The following FRMD4B variants were observed in gnomAD, a reference collection of about 807,000 sequenced individuals.
FRMD4B encodes the protein FERM domain-containing protein 4B.
FRMD4B carries 74 observed loss-of-function variants against 141.5 expected under a neutral mutation model. That is an observed-to-expected ratio of 0.52 (90% CI 0.43 to 0.63). The LOEUF is 0.63. Ranked by LOEUF, FRMD4B falls within the 30% of genes least tolerant of loss-of-function variation. The probability of loss-of-function intolerance (pLI) is 0.00; values close to 1 mark genes in which losing one functional copy is unlikely to be tolerated. For synonymous variants in FRMD4B, 506 were observed against 467.9 expected (o/e 1.08, Z -1.05); for missense variants, 1,366 against 1,253.4 (o/e 1.09, Z -1.36).
chr3:69,297,787 C>G (rs899642473), intron 4 of FRMD4B, among the ~76,000 whole-genome samples: 20 of 152,092 alleles, frequency 1.3e-4, no homozygotes, highest in Admixed American at 1.2e-3. Context: ...CCCCAGAAAC[C>G]TGGGGGAGTT....
rs180701865 is a variant in FRMD4B, at chr3:69,431,716, G to A, written c.-1+918C>T. Among the ~76,000 whole-genome samples, 465 of 152,280 alleles carry A rather than the reference G, an allele frequency of 3.1e-3. 2 individuals carry two copies. Among genetic ancestry groups the A allele is most frequent in the African/African-American group, 0.01 (431 of 41,554 alleles). ...AATTATGCAAGTGGTAGGTGGTAGG[G>A]CAAGATCTCCAGAGTCGACGTCCTT... On this transcript the variant is annotated intron_variant, in intron 2 of 5. Transcript: ENST00000459638.
At chr3:69,481,832 G>A (rs1030464683) in intron 1 of FRMD4B, among the ~76,000 whole-genome samples, 3 of 152,116 alleles carry the variant, frequency 2.0e-5, no homozygotes, top group African/African-American at 7.2e-5. Flanking sequence ...GGATAAACTA[G>A]CAGTCAGCAG....
intron 1 of FRMD4B, among the ~76,000 whole-genome samples, chr3:69,473,564 C>T (rs573395722): frequency 1.1e-4 from 16 of 152,264 alleles, no homozygotes; most frequent in Admixed American, 8.5e-4. Flanking sequence ...ACCTCTCCAG[C>T]CATATCAATC....
intron 5 of FRMD4B, 187 bp downstream of exon 5, chr3:69,287,565 A>G: frequency 1.8e-6 from 1 of 555,772 alleles, no homozygotes; most frequent in East Asian, 3.0e-5. Flanking sequence ...TGTCTTTCCC[A>G]CTCAGAATTT....
chr3:69,363,851 T>G (rs930134211), intron 1 of FRMD4B, among the ~76,000 whole-genome samples: 1 of 152,168 alleles, frequency 6.6e-6, no homozygotes, highest in African/African-American at 2.4e-5. Flanking sequence ...AGGCAACAGG[T>G]GTACTGAGCT....
chr3:69,348,214 A>G (rs1354518315), intron 1 of FRMD4B, among the ~76,000 whole-genome samples: 4 of 152,220 alleles, frequency 2.6e-5, no homozygotes, highest in Admixed American at 6.5e-5. Flanking sequence ...CTTCTACGCA[A>G]ATAAACTAGA....
chr3:69,454,672 C>T lies in FRMD4B; in HGVS notation c.-128-21911G>A, dbSNP rs141752928. On this transcript the variant is annotated intron_variant, in intron 1 of 5. Transcript: ENST00000459638. ...TCTGGCCAGGCCTCAGCCACCTCCC[C>T]GAGGGGCAGGGCTTGGGACTGCAGC... 3.5e-3 allele frequency among the ~76,000 whole-genome samples: 538 copies of T among 152,326 alleles called. 5 individuals carry two copies. Among genetic ancestry groups the T allele is most frequent in the African/African-American group, 0.012 (496 of 41,590 alleles).
intron 1 of FRMD4B, among the ~76,000 whole-genome samples, chr3:69,456,403 T>TG (rs1234056650): frequency 6.6e-6 from 1 of 152,194 alleles, no homozygotes; most frequent in Non-Finnish European, 1.5e-5. Flanking sequence ...GAAAAAATGA[T>TG]GGTTTTTCAT....
At chr3:69,256,062 A>G (rs1559756266) in intron 5 of FRMD4B, among the ~76,000 whole-genome samples, 1 of 151,680 alleles carries the variant, frequency 6.6e-6, no homozygotes, top group Non-Finnish European at 1.5e-5. Flanking sequence ...GCGCCACTGG[A>G]CTCCAGCCTG....
intron 1 of FRMD4B, among the ~76,000 whole-genome samples, chr3:69,518,791 A>T (rs1410949826): frequency 6.6e-6 from 1 of 152,196 alleles, no homozygotes; most frequent in African/African-American, 2.4e-5. Context: ...GGTAGGCTGA[A>T]GAGACTAGCA....
chr3:69,349,201 C>T (rs1703050845), intron 1 of FRMD4B, among the ~76,000 whole-genome samples: 1 of 152,190 alleles, frequency 6.6e-6, no homozygotes, highest in Non-Finnish European at 1.5e-5. Context: ...AGAGCCAAAT[C>T]ATGAGTGAAC....
intron 1 of FRMD4B, among the ~76,000 whole-genome samples, chr3:69,379,231 T>C (rs1035909793): frequency 1.3e-5 from 2 of 152,112 alleles, no homozygotes; most frequent in Admixed American, 6.6e-5. Context: ...CTAGTAAAGG[T>C]AAATTGAGCA....
intron 1 of FRMD4B, among the ~76,000 whole-genome samples, chr3:69,521,224 C>T (rs1034931351): frequency 7.9e-5 from 12 of 152,140 alleles, no homozygotes; most frequent in African/African-American, 1.2e-4. Flanking sequence ...CCAGGCCCTA[C>T]GACTGAGGAA....
chr3:69,290,803 T>C (rs1420931636), intron 4 of FRMD4B, among the ~76,000 whole-genome samples: 1 of 152,184 alleles, frequency 6.6e-6, no homozygotes, highest in Non-Finnish European at 1.5e-5. Flanking sequence ...GAGATCTGCC[T>C]ACCTGGTGGG....
chr3:69,245,337 G>T, intron 7 of FRMD4B, among the ~76,000 whole-genome samples: 1 of 149,104 alleles, frequency 6.7e-6, no homozygotes, highest in African/African-American at 2.6e-5. Flanking sequence ...GTGTGTGTGT[G>T]TGTGTGTGTG....
chr3:69,227,101 C>A (rs550220773), intron 7 of FRMD4B, among the ~76,000 whole-genome samples: 2 of 152,174 alleles, frequency 1.3e-5, no homozygotes, highest in Non-Finnish European at 2.9e-5. Flanking sequence ...TTCAGCATAT[C>A]ATTTTCCCAG....
At chr3:69,504,892 A>G (rs1247501204) in intron 1 of FRMD4B, among the ~76,000 whole-genome samples, 1 of 152,232 alleles carries the variant, frequency 6.6e-6, no homozygotes, top group African/African-American at 2.4e-5. Context: ...TCACTTGAGC[A>G]CACTGCTTCC....
intron 1 of FRMD4B, among the ~76,000 whole-genome samples, chr3:69,489,726 C>G (rs1706272983): frequency 6.6e-6 from 1 of 152,146 alleles, no homozygotes; most frequent in Admixed American, 6.5e-5. Flanking sequence ...GAATTCTATT[C>G]CTAGGTATCC....
In FRMD4B at chr3:69,284,206, GCAGAACAGTCTGC is replaced by G. The variant is rs1238113728; in HGVS notation, c.501+3533_501+3545del. 2.0e-5 allele frequency among the ~76,000 whole-genome samples: 3 copies of G among 152,124 alleles called. No individual in the cohort carries two copies. In the East Asian group the frequency reaches 5.8e-4, roughly 29 times the overall value. On this transcript the variant is annotated intron_variant, in intron 5 of 22. Coordinates refer to ENST00000398540, the MANE Select transcript of FRMD4B (RefSeq NM_015123.3). Reference sequence around the variant, plus strand: ...TGGGAGATCAAAATGAATAGAATTTGCAGAACAGTCTGCCAGAGAAAAGAGAGCTGCGAAGAGA... The same window carrying G: ...TGGGAGATCAAAATGAATAGAATTTGCAGAGAAAAGAGAGCTGCGAAGAGA...
Sources: gnomAD v4.1 joint callset for allele counts (sites outside exome capture counted in the v4.1 genomes callset) on GRCh38, gnomAD v4.1.1 for gene constraint, MANE v1.5 for transcripts, NCBI Gene and HGNC (gene_info 2026-07-23, HGNC 2026-07-21) for gene names.